Variants in PTPN4 observed in about 807,000 individuals in gnomAD.
PTPN4 encodes tyrosine-protein phosphatase non-receptor type 4.
In PTPN4, 49 loss-of-function variants were observed where a neutral mutation model predicts 135.5. That is an observed-to-expected ratio of 0.36 (90% CI 0.29 to 0.46). PTPN4 has a LOEUF of 0.46. PTPN4 is among the 20% of genes least tolerant of loss of function. The pLI is 1.00. For missense variants in PTPN4, 860 were observed against 1,101.0 expected, an observed-to-expected ratio of 0.78 and a Z score of 3.10; for synonymous variants, 333 against 369.9, an observed-to-expected ratio of 0.90 and a Z score of 1.14.
intron 3 of PTPN4, among the ~76,000 whole-genome samples, chr2:119,875,631 TCAG>T (rs922884907): frequency 1.1e-4 from 16 of 152,202 alleles, no homozygotes; most frequent in African/African-American, 3.6e-4. Context: ...ATTGAGTCAT[TCAG>T]CAGGTTTAGT....
chr2:119,878,193 G>A (rs890439739), intron 5 of PTPN4, among the ~76,000 whole-genome samples: 1 of 152,142 alleles, frequency 6.6e-6, no homozygotes, highest in African/African-American at 2.4e-5. Context: ...GAATGATCCA[G>A]ATGAACATTT....
At chr2:119,806,692 T>G (rs537852217) in intron 1 of PTPN4, among the ~76,000 whole-genome samples, 19 of 152,096 alleles carry the variant, frequency 1.2e-4, no homozygotes, top group African/African-American at 4.6e-4. Context: ...AGAAAGAATA[T>G]CCAGGATTGA....
At chr2:119,785,303 G>T (rs1343728528) in intron 1 of PTPN4, among the ~76,000 whole-genome samples, 1 of 152,118 alleles carries the variant, frequency 6.6e-6, no homozygotes, top group Non-Finnish European at 1.5e-5. Flanking sequence ...TTACTGAAGT[G>T]TTATTTTTTC....
At chr2:119,932,019 C>T (rs948780204) in intron 13 of PTPN4, among the ~76,000 whole-genome samples, 4 of 152,184 alleles carry the variant, frequency 2.6e-5, no homozygotes, top group East Asian at 1.9e-4. Context: ...AGATAATGTG[C>T]GAGGAGTTAT....
chr2:119,902,036 T>G (rs1001440406), intron 10 of PTPN4, among the ~76,000 whole-genome samples: 2 of 152,172 alleles, frequency 1.3e-5, no homozygotes, highest in African/African-American at 4.8e-5. Context: ...GGCTGATAGT[T>G]TTCCAAAATT....
At chr2:119,897,307 G>A (rs530834142) in intron 9 of PTPN4, among the ~76,000 whole-genome samples, 1 of 152,054 alleles carries the variant, frequency 6.6e-6, no homozygotes, top group African/African-American at 2.4e-5. Flanking sequence ...AAGATGTTTT[G>A]CCACAGACAT....
At chr2:119,919,806 AGAGT>A (rs1678710791) in intron 11 of PTPN4, among the ~76,000 whole-genome samples, 1 of 146,654 alleles carries the variant, frequency 6.8e-6, no homozygotes, top group African/African-American at 2.6e-5. Context: ...CATGGATGAC[AGAGT>A]GAGACTGTGT....
intron 2 of PTPN4, among the ~76,000 whole-genome samples, chr2:119,840,536 C>T (rs1018566660): frequency 2.0e-5 from 3 of 152,182 alleles, no homozygotes; most frequent in Non-Finnish European, 4.4e-5. Context: ...GTGAATAGTA[C>T]TGTGATGAAC....
At chr2:119,836,539 C>T (rs1677296352) in intron 2 of PTPN4, among the ~76,000 whole-genome samples, 1 of 152,248 alleles carries the variant, frequency 6.6e-6, no homozygotes, top group African/African-American at 2.4e-5. Context: ...CTCCACGGAG[C>T]CTGCGGGAGC....
chr2:119,840,516 C>G (rs894001762), intron 2 of PTPN4, among the ~76,000 whole-genome samples: 5 of 152,182 alleles, frequency 3.3e-5, no homozygotes, highest in African/African-American at 1.2e-4. Context: ...GATTCCATGT[C>G]TTTGCTATTG....
chr2:119,901,226 C>A (rs374627298), intron 10 of PTPN4, among the ~76,000 whole-genome samples: 2 of 152,168 alleles, frequency 1.3e-5, no homozygotes, highest in African/African-American at 4.8e-5. Context: ...CACCGAAGAT[C>A]GCAGCCAAGA....
At chr2:119,796,678 G>C (rs1410837635) in intron 1 of PTPN4, among the ~76,000 whole-genome samples, 1 of 152,090 alleles carries the variant, frequency 6.6e-6, no homozygotes, top group African/African-American at 2.4e-5. Flanking sequence ...TCTTTATATG[G>C]ATCTATGCAT....
chr2:119,792,790 G>A (rs1225131197), intron 1 of PTPN4, among the ~76,000 whole-genome samples: 2 of 152,154 alleles, frequency 1.3e-5, no homozygotes, highest in Admixed American at 1.3e-4. Context: ...TTAAAGCTGG[G>A]TGTCTGGGGG....
At chr2:119,920,039 G>A (rs780765207) in intron 11 of PTPN4, 30 bp from the exon 12 acceptor site, 1 of 1,575,102 alleles carries the variant, frequency 6.3e-7, no homozygotes, top group South Asian at 1.2e-5. Flanking sequence ...CATTTTCCTG[G>A]TATTCTCTGC....
At chr2:119,785,863 A>T (rs941775018) in intron 1 of PTPN4, among the ~76,000 whole-genome samples, 2 of 152,152 alleles carry the variant, frequency 1.3e-5, no homozygotes, top group African/African-American at 4.8e-5. Context: ...ATGAAATCCA[A>T]GTAAAGGAGA....
intron 15 of PTPN4, among the ~76,000 whole-genome samples, chr2:119,942,050 A>C (rs900349532): frequency 1.3e-5 from 2 of 152,222 alleles, no homozygotes; most frequent in African/African-American, 4.8e-5. Context: ...GTAATTGTTT[A>C]ACTCAATTAT....
chr2:119,909,495 C>T (rs527628317), intron 10 of PTPN4, among the ~76,000 whole-genome samples: 2 of 152,248 alleles, frequency 1.3e-5, no homozygotes, highest in African/African-American at 4.8e-5. Flanking sequence ...AATGAATGCA[C>T]CTTGCCACCC....
At chr2:119,923,994 G>A (rs962405681) in intron 12 of PTPN4, among the ~76,000 whole-genome samples, 2 of 151,848 alleles carry the variant, frequency 1.3e-5, no homozygotes, top group African/African-American at 2.4e-5. Flanking sequence ...AAAATTAGCC[G>A]GGCGTAGTGG....
At chr2:119,841,512 T>C (rs927865346) in intron 2 of PTPN4, among the ~76,000 whole-genome samples, 3 of 152,234 alleles carry the variant, frequency 2.0e-5, no homozygotes, top group Admixed American at 6.5e-5. Flanking sequence ...TTCCATTGAA[T>C]GCATGTGTTT....
Sources: allele counts gnomAD v4.1 joint callset (sites outside exome capture counted in the v4.1 genomes callset), GRCh38; gene constraint gnomAD v4.1.1; transcripts MANE v1.5; gene names NCBI Gene and HGNC (gene_info 2026-07-23, HGNC 2026-07-21).